CRIM1: variants seen among roughly 807,000 people sequenced by gnomAD.
CRIM1 encodes the protein cysteine-rich motor neuron 1 protein.
In CRIM1, 32 loss-of-function variants were observed where a neutral mutation model predicts 116.4. That is an observed-to-expected ratio of 0.27 (90% CI 0.21 to 0.37). CRIM1 has a LOEUF of 0.37. Among genes scored for constraint, CRIM1 ranks in the 10% least tolerant of loss-of-function variants. The pLI is 1.00. For missense variants in CRIM1, 1,331 were observed against 1,354.8 expected, an observed-to-expected ratio of 0.98 and a Z score of 0.28; for synonymous variants, 590 against 509.2, an observed-to-expected ratio of 1.16 and a Z score of -2.13.
intron 1 of CRIM1, among the ~76,000 whole-genome samples, chr2:36,388,434 A>G (rs935303600): frequency 3.3e-5 from 5 of 152,240 alleles, no homozygotes; most frequent in South Asian, 2.1e-4. Flanking sequence ...ACTGTCCCCA[A>G]TAAATTGTTA....
At chr2:36,481,958 T>C (rs1679452745) in intron 7 of CRIM1, among the ~76,000 whole-genome samples, 1 of 152,196 alleles carries the variant, frequency 6.6e-6, no homozygotes, top group Non-Finnish European at 1.5e-5. Flanking sequence ...CTACTCCAGG[T>C]ATTTTGAATG....
Position 36,479,662 on chromosome 2 carries a change from A to G in CRIM1, c.1340A>G (p.Lys447Arg), listed in dbSNP as rs541765928. The G allele has an allele frequency of 6.2e-7, 1 of 1,614,200 alleles. No individual in the cohort carries two copies. Among genetic ancestry groups the G allele is most frequent in the African/African-American group, 1.3e-5 (1 of 75,046 alleles). ...VCGQTCTNPV[K>R]VPGECCPVCE... ...GGACAGACCTGCACAAACCCTGTGA[A>G]AGTGCCTGGGGAGTGTTGCCCTGTG... The change falls in exon 7 of 17, where the codon AAA becomes AGA. Residue 447 changes from lysine to arginine, a missense_variant. This residue lies in a region of CRIM1 where 690 missense variants were observed against 676.0 expected (regional missense o/e 1.02). Transcript: ENST00000280527.
chr2:36,512,414 C>T lies in CRIM1; in HGVS notation c.1780+20C>T, dbSNP rs1441896989. ...GCAGAGGTAAGTGTGTACACATGGCCCTTCCCCCTCAAAGCAGCCAGGGGC... is the reference window on the plus strand; with the variant it reads ...GCAGAGGTAAGTGTGTACACATGGCTCTTCCCCCTCAAAGCAGCCAGGGGC... On this transcript the variant is annotated intron_variant, in intron 10 of 16. Coordinates refer to ENST00000280527, the MANE Select transcript of CRIM1 (RefSeq NM_016441.3). 6.3e-7 allele frequency: 1 copy of T among 1,583,376 alleles called. No homozygotes were observed. Among genetic ancestry groups the T allele is most frequent in the South Asian group, 1.1e-5 (1 of 88,958 alleles).
chr2:36,388,057 C>G (rs1671303412), intron 1 of CRIM1, among the ~76,000 whole-genome samples: 1 of 150,692 alleles, frequency 6.6e-6, no homozygotes, highest in African/African-American at 2.4e-5. Flanking sequence ...TTCCACTGTT[C>G]TTCATTTTTA....
intron 15 of CRIM1, 41 bp from the exon 16 acceptor site, chr2:36,546,943 C>G: frequency 8.7e-7 from 1 of 1,143,546 alleles, no homozygotes; most frequent in Non-Finnish European, 1.3e-6. Context: ...CTTAACAATT[C>G]TGGTTTAGGT....
In CRIM1 at chr2:36,549,942, T is replaced by G. The variant is rs918255037; in HGVS notation, c.*1241T>G. 6.6e-6 allele frequency: 1 copy of G among 152,504 alleles called. No homozygotes were observed. The highest frequency in any genetic ancestry group is 2.4e-5 in the African/African-American group (1 of 41,430). The allele number at this position is 152,504 out of a possible 1,614,324, so 9.4% of individuals were successfully genotyped here. A position where few individuals can be genotyped will look rare whatever the true frequency, so the allele number is the denominator to read the frequency against. On this transcript the variant is annotated 3_prime_UTR_variant, in exon 17 of 17. Coordinates refer to ENST00000280527, the MANE Select transcript of CRIM1 (RefSeq NM_016441.3). ...AGAACAAAGGCAGATAAACAGGCAT[T>G]CCATAGCAGTGCTTTTGATCACTTA...
chr2:36,426,731 C>G (rs758992534), intron 2 of CRIM1, among the ~76,000 whole-genome samples: 3 of 152,170 alleles, frequency 2.0e-5, no homozygotes, highest in Non-Finnish European at 2.9e-5. Context: ...CTACCACTCC[C>G]CCTTGTTTAT....
chr2:36,418,629 A>G (rs1287397772), intron 2 of CRIM1, among the ~76,000 whole-genome samples: 16 of 152,062 alleles, frequency 1.1e-4, no homozygotes, highest in Admixed American at 3.9e-4. Context: ...CCCCTTTTCT[A>G]TGCAATGCAG....
chr2:36,494,959 G>A (rs1439642305), intron 7 of CRIM1, among the ~76,000 whole-genome samples: 1 of 152,098 alleles, frequency 6.6e-6, no homozygotes, highest in Non-Finnish European at 1.5e-5. Flanking sequence ...CCCCACCTCT[G>A]TGCAAGGATT....
chr2:36,376,673 C>A (rs187568054), intron 1 of CRIM1, among the ~76,000 whole-genome samples: 1 of 152,300 alleles, frequency 6.6e-6, no homozygotes, highest in Admixed American at 6.5e-5. Context: ...GGAGTTGGTG[C>A]TTCCAAGGGG....
intron 13 of CRIM1, chr2:36,529,227 G>A (rs190171324): frequency 2.1e-6 from 1 of 470,916 alleles, no homozygotes; most frequent in South Asian, 1.5e-5. Flanking sequence ...GGGCCCACCT[G>A]ATAAGAACCC....
intron 13 of CRIM1, among the ~76,000 whole-genome samples, chr2:36,524,019 A>G (rs1027629302): frequency 2.0e-5 from 3 of 152,242 alleles, no homozygotes; most frequent in Non-Finnish European, 2.9e-5. Context: ...GAGTAATAAA[A>G]GTTCTGTTTT....
At chr2:36,484,598 C>CT (rs1679679913) in intron 7 of CRIM1, among the ~76,000 whole-genome samples, 1 of 152,132 alleles carries the variant, frequency 6.6e-6, no homozygotes, top group South Asian at 2.1e-4. Flanking sequence ...TTCCTGGGGA[C>CT]TTTGAAGTCT....
intron 7 of CRIM1, among the ~76,000 whole-genome samples, chr2:36,496,729 G>A (rs1680623274): frequency 6.6e-6 from 1 of 152,176 alleles, no homozygotes; most frequent in Admixed American, 6.5e-5. Context: ...ATGTACATCT[G>A]TGACTGTGTA....
chr2:36,521,134 A>G (rs971245924), intron 12 of CRIM1, among the ~76,000 whole-genome samples: 2 of 152,040 alleles, frequency 1.3e-5, no homozygotes, highest in Non-Finnish European at 2.9e-5. Flanking sequence ...TGAAGTTACA[A>G]TTTTCATTGA....
chr2:36,531,347 T>G (rs1053568706), intron 13 of CRIM1, among the ~76,000 whole-genome samples: 1 of 151,974 alleles, frequency 6.6e-6, no homozygotes, highest in Non-Finnish European at 1.5e-5. Context: ...TTTATATCCT[T>G]CCACAGAGGA....
intron 1 of CRIM1, among the ~76,000 whole-genome samples, chr2:36,385,275 A>G (rs550818159): frequency 6.6e-6 from 1 of 152,236 alleles, no homozygotes; most frequent in Non-Finnish European, 1.5e-5. Flanking sequence ...TAAAGTGCAT[A>G]GGAGTGCTGA....
At chr2:36,428,866 T>C (rs1338680784) in intron 2 of CRIM1, among the ~76,000 whole-genome samples, 1 of 152,238 alleles carries the variant, frequency 6.6e-6, no homozygotes, top group African/African-American at 2.4e-5. Context: ...ATTCTCCTCT[T>C]CCTGCGTAGA....
intron 5 of CRIM1, among the ~76,000 whole-genome samples, chr2:36,466,686 G>A (rs1185609706): frequency 6.6e-6 from 1 of 152,176 alleles, no homozygotes; most frequent in Non-Finnish European, 1.5e-5. Flanking sequence ...CCTCACAGAG[G>A]ACACCCAGAT....
Sources: gnomAD v4.1 joint callset for allele counts (sites outside exome capture counted in the v4.1 genomes callset) on GRCh38, gnomAD v4.1.1 for gene constraint, gnomAD v4.1.1 regional missense constraint, MANE v1.5 for transcripts, NCBI Gene and HGNC (gene_info 2026-07-23, HGNC 2026-07-21) for gene names.